STARD13: variants seen among roughly 807,000 people sequenced by gnomAD.
STARD13 encodes the protein stAR-related lipid transfer protein 13.
Under a neutral mutation model 106.4 loss-of-function variants are expected in STARD13, and 62 were observed. The observed-to-expected ratio is 0.58, with a 90% confidence interval of 0.48 to 0.72. STARD13 has a LOEUF of 0.72. STARD13 is among the 30% of genes least tolerant of loss of function. The pLI, the probability that STARD13 is intolerant of heterozygous loss-of-function variation, is 0.00. For synonymous variants in STARD13, 565 were observed against 553.0 expected (o/e 1.02, Z -0.31); for missense variants, 1,387 against 1,424.0 (o/e 0.97, Z 0.42).
chr13:33,551,687 C>T, the STARD13 span, among the ~76,000 whole-genome samples: 1 of 142,584 alleles, frequency 7.0e-6, no homozygotes, highest in Non-Finnish European at 1.5e-5. Flanking sequence ...CAACCTCCAC[C>T]TCCTGGATTC....
the STARD13 span, among the ~76,000 whole-genome samples, chr13:33,413,673 T>C: frequency 4.0e-5 from 6 of 151,686 alleles, no homozygotes; most frequent in South Asian, 8.3e-4. Context: ...AATCCCACAA[T>C]CCAATTAGAA....
chr13:33,226,909 T>TA (rs199847398), intron 1 of STARD13, among the ~76,000 whole-genome samples: 1,530 of 152,346 alleles, frequency 0.01, 31 homozygotes, highest in African/African-American at 0.033. Flanking sequence ...TAACTGTTTT[T>TA]AAAGATTTTT....
At chr13:33,662,241 G>A in the STARD13 span, among the ~76,000 whole-genome samples, 2 of 147,164 alleles carry the variant, frequency 1.4e-5, no homozygotes, top group African/African-American at 2.6e-5. Context: ...CAGCCTGGGC[G>A]ACAGAGCAAG....
chr13:33,599,929 G>T, the STARD13 span, among the ~76,000 whole-genome samples: 1 of 152,170 alleles, frequency 6.6e-6, no homozygotes, highest in African/African-American at 2.4e-5. Context: ...GTTTCTCCAT[G>T]CATGTTACTT....
chr13:33,308,504 CTTTTTCTTTTTCTTTCTTTTTT>C (rs1805197853), intron 1 of STARD13, among the ~76,000 whole-genome samples: 1 of 125,902 alleles, frequency 7.9e-6, no homozygotes. Context: ...TTCCTTTTTT[CTTTTTCTTTTTCTTTCTTTTTT>C]TTTTTTTTTT....
chr13:33,284,818 C>T (rs1891974896), intron 1 of STARD13, among the ~76,000 whole-genome samples: 1 of 151,976 alleles, frequency 6.6e-6, no homozygotes, highest in African/African-American at 2.4e-5. Context: ...GAATATCAAG[C>T]AGCTTATAAT....
rs1875618344 is a variant in STARD13, at chr13:33,117,875, TA to T, written c.2281+189del. The T allele has an allele frequency of 1.0e-5, 10 of 985,204 alleles. No individual in the cohort carries two copies. In the South Asian group the frequency reaches 4.2e-4, roughly 42 times the overall value. The allele number at this position is 985,204 out of a possible 1,614,324, so 61.0% of individuals were successfully genotyped here. On this transcript the variant is annotated intron_variant, in intron 8 of 13. Transcript: ENST00000336934. ...TGTCAAAAAGGTATTTTCAAATGCA[TA>T]AAAAAATGGCTTGTGGATTTCCATA...
chr13:33,572,139 C>A, the STARD13 span, among the ~76,000 whole-genome samples: 3 of 152,132 alleles, frequency 2.0e-5, no homozygotes, highest in African/African-American at 7.2e-5. Context: ...ATCAACTGTC[C>A]CTAGTCTCCC....
chr13:33,423,536 C>T, the STARD13 span, among the ~76,000 whole-genome samples: 2,286 of 152,272 alleles, frequency 0.015, 67 homozygotes, highest in African/African-American at 0.052. Context: ...GACAGTGTGG[C>T]GATTCCTCAA....
intron 7 of STARD13, among the ~76,000 whole-genome samples, chr13:33,121,668 CCT>C (rs1491443580): frequency 2.1e-5 from 2 of 95,630 alleles, no homozygotes; most frequent in African/African-American, 7.0e-5. Flanking sequence ...TGTTGTTCAT[CCT>C]TTTTTTTTTT....
At chr13:33,397,391 A>G in the STARD13 span, among the ~76,000 whole-genome samples, 1 of 152,218 alleles carries the variant, frequency 6.6e-6, no homozygotes, top group African/African-American at 2.4e-5. Context: ...TACATGTGCC[A>G]GTATTGCTCT....
chr13:33,576,487 G>A, the STARD13 span, among the ~76,000 whole-genome samples: 1 of 151,896 alleles, frequency 6.6e-6, no homozygotes, highest in Non-Finnish European at 1.5e-5. Flanking sequence ...TCCTGTCTCA[G>A]CCTCCCAAAG....
At chr13:33,151,980 G>A (rs1881342052) in intron 3 of STARD13, among the ~76,000 whole-genome samples, 2 of 152,160 alleles carry the variant, frequency 1.3e-5, no homozygotes, top group African/African-American at 4.8e-5. Flanking sequence ...GAGGAAACAG[G>A]GAAATAGGGA....
At chr13:33,118,365 AT>A (rs2138103014) in intron 7 of STARD13, 102 bp from the exon 8 acceptor site, 1 of 927,504 alleles carries the variant, frequency 1.1e-6, no homozygotes, top group African/African-American at 1.6e-5. Context: ...TTGCCTCCCA[AT>A]TAGTACATGC....
chr13:33,141,505 C>T (rs910413279), intron 4 of STARD13, among the ~76,000 whole-genome samples: 8 of 152,142 alleles, frequency 5.3e-5, no homozygotes, highest in Non-Finnish European at 1.0e-4. Context: ...CATGGCAAGT[C>T]CTGTGATGGG....
the STARD13 span, among the ~76,000 whole-genome samples, chr13:33,538,875 T>C: frequency 6.6e-6 from 1 of 151,926 alleles, no homozygotes; most frequent in African/African-American, 2.4e-5. Flanking sequence ...GTTCACACCA[T>C]TCTCCTGCCT....
At chr13:33,672,712 C>T in the STARD13 span, among the ~76,000 whole-genome samples, 2 of 152,258 alleles carry the variant, frequency 1.3e-5, no homozygotes, top group East Asian at 3.9e-4. Context: ...AAAGCTGTCC[C>T]ATGTTTGATC....
intron 1 of STARD13, among the ~76,000 whole-genome samples, chr13:33,341,563 C>T (rs2077960848): frequency 6.7e-6 from 1 of 149,940 alleles, no homozygotes; most frequent in Admixed American, 6.7e-5. Context: ...TGCACTCCAG[C>T]CTGGGCGACA....
the STARD13 span, among the ~76,000 whole-genome samples, chr13:33,475,729 G>T: frequency 6.6e-6 from 1 of 152,180 alleles, no homozygotes; most frequent in Non-Finnish European, 1.5e-5. Context: ...AGGCCAAGGT[G>T]AGCAGATCAC....
Sources: gnomAD v4.1 joint callset for allele counts (sites outside exome capture counted in the v4.1 genomes callset) on GRCh38, gnomAD v4.1.1 for gene constraint, MANE v1.5 for transcripts, NCBI Gene and HGNC (gene_info 2026-07-23, HGNC 2026-07-21) for gene names.